DCBLD2: variants seen among roughly 807,000 people sequenced by gnomAD.
The protein encoded by DCBLD2 is discoidin, CUB and LCCL domain containing 2, also known as discoidin, CUB and LCCL domain-containing protein 2.
In DCBLD2, 54 loss-of-function variants were observed where a neutral mutation model predicts 86.8. That is an observed-to-expected ratio of 0.62 (90% confidence interval 0.50 to 0.78). The LOEUF (loss-of-function observed/expected upper bound fraction) is 0.78. Ranked by LOEUF, DCBLD2 falls within the 30% of genes least tolerant of loss-of-function variation. The pLI is 0.00. For synonymous variants in DCBLD2, 354 were observed against 341.3 expected (o/e 1.04, Z -0.41); for missense variants, 908 against 954.2 (o/e 0.95, Z 0.64).
intron 2 of DCBLD2, among the ~76,000 whole-genome samples, chr3:98,855,091 C>T (rs1942907892): frequency 6.6e-6 from 1 of 152,132 alleles, no homozygotes; most frequent in African/African-American, 2.4e-5. Flanking sequence ...ACATTTACTA[C>T]ATCTAAAAAG....
chr3:98,860,967 A>T (rs1288033550), intron 2 of DCBLD2, among the ~76,000 whole-genome samples: 1 of 152,256 alleles, frequency 6.6e-6, no homozygotes, highest in Non-Finnish European at 1.5e-5. Context: ...AGTGTGCTGT[A>T]TTCAGGAGAC....
At chr3:98,863,218 G>T (rs1054270635) in intron 2 of DCBLD2, among the ~76,000 whole-genome samples, 3 of 150,972 alleles carry the variant, frequency 2.0e-5, no homozygotes, top group African/African-American at 7.3e-5. Flanking sequence ...AACAAAAGAG[G>T]TCAACAATTG....
chr3:98,836,641 GA>G (rs1942459091), intron 3 of DCBLD2, among the ~76,000 whole-genome samples: 1 of 134,824 alleles, frequency 7.4e-6, no homozygotes, highest in Non-Finnish European at 1.6e-5. Context: ...TGGCCGGGCA[GA>G]GGGGCTCCTC....
chr3:98,826,022 G>A (rs1440154), intron 3 of DCBLD2, among the ~76,000 whole-genome samples: 26,429 of 151,124 alleles, frequency 0.17, 2,468 homozygotes, highest in African/African-American at 0.25. Context: ...TTAAGCACAC[G>A]GAAGCTGCAG....
At chr3:98,861,243 C>A (rs1209985153) in intron 2 of DCBLD2, among the ~76,000 whole-genome samples, 1 of 152,162 alleles carries the variant, frequency 6.6e-6, no homozygotes, top group Non-Finnish European at 1.5e-5. Context: ...TAGAGATCTA[C>A]AAGGAGACTT....
intron 2 of DCBLD2, among the ~76,000 whole-genome samples, chr3:98,859,836 CGCAGCTCCTCGCCA>C (rs1559789590): frequency 1.3e-5 from 2 of 152,230 alleles, no homozygotes; most frequent in Admixed American, 1.3e-4. Context: ...CACAAAGGAA[CGCAGCTCCTCGCCA>C]GCAACGGAAC....
rs1195881069 is a variant in DCBLD2, at chr3:98,870,759, AAGAAAGAAAGAAAG to A, written c.433+10767_433+10780del. Among the ~76,000 whole-genome samples the A allele has an allele frequency of 1.5e-5, 2 of 137,840 alleles. 1 individual carries two copies. Among genetic ancestry groups the A allele is most frequent in the Non-Finnish European group, 3.2e-5 (2 of 62,396 alleles). 90.4% of individuals were successfully genotyped at this position (137,840 alleles called of 152,430 possible). A position where few individuals can be genotyped will look rare whatever the true frequency, so the allele number is the denominator to read the frequency against. On this transcript the variant is annotated intron_variant, in intron 2 of 15. Coordinates refer to ENST00000326840, the MANE Select transcript of DCBLD2 (RefSeq NM_080927.4). ...AGAAAAAGAAAGAAAGAAAGAAAGA[AAGAAAGAAAGAAAG>A]AAAGAAAGAAAGAAAGAAAGAAAGA...
chr3:98,870,654 G>A (rs28826036), intron 2 of DCBLD2, among the ~76,000 whole-genome samples: 1 of 106,998 alleles, frequency 9.3e-6, no homozygotes, highest in African/African-American at 3.6e-5. Flanking sequence ...AAGAGATAGA[G>A]AAAGAGAGAG....
intron 3 of DCBLD2, among the ~76,000 whole-genome samples, chr3:98,841,515 A>G (rs1942620391): frequency 6.6e-6 from 1 of 152,232 alleles, no homozygotes; most frequent in Non-Finnish European, 1.5e-5. Context: ...AAATGAATCA[A>G]AAAATATCAG....
At chr3:98,855,782 T>C (rs1444266848) in intron 2 of DCBLD2, among the ~76,000 whole-genome samples, 2 of 152,188 alleles carry the variant, frequency 1.3e-5, no homozygotes, top group African/African-American at 2.4e-5. Context: ...CCCATCGAAA[T>C]TTTCCAAGTG....
chr3:98,835,438 A>G (rs986148868), intron 3 of DCBLD2, among the ~76,000 whole-genome samples: 4 of 123,930 alleles, frequency 3.2e-5, no homozygotes, highest in South Asian at 3.0e-4. Context: ...TTCTTCTAAG[A>G]TAACTATTTT....
intron 1 of DCBLD2, among the ~76,000 whole-genome samples, chr3:98,895,564 C>G (rs935078374): frequency 6.6e-6 from 1 of 152,178 alleles, no homozygotes; most frequent in African/African-American, 2.4e-5. Flanking sequence ...ACCTACCAAA[C>G]TTCAAAGCTT....
chr3:98,813,556 G>A (rs1018683385), intron 9 of DCBLD2: 5 of 152,062 alleles, frequency 3.3e-5, no homozygotes, highest in Admixed American at 1.3e-4. Context: ...TGTAGAAAGG[G>A]GTCTTGCTAT....
In DCBLD2 at chr3:98,901,276, T is replaced by C; in HGVS notation, c.51A>G (p.Gln17=). 2.0e-6 allele frequency: 3 copies of C among 1,527,490 alleles called. No individual in the cohort carries two copies. Among genetic ancestry groups the C allele is most frequent in the South Asian group, 1.2e-5 (1 of 83,650 alleles). 94.6% of individuals were successfully genotyped at this position (1,527,490 alleles called of 1,614,324 possible). A position where few individuals can be genotyped will look rare whatever the true frequency, so the allele number is the denominator to read the frequency against. ...CGGGGGCGGCGGCCGCGGCCCGGAC[T>C]TGGGGACACTGCGGGCAGCGCCTGG... ...VRARRCPQCP[Q]VRAAAAAPAW... Residue 17 remains glutamine (Q), a synonymous_variant, in exon 1 of 16, where the codon CAA becomes CAG. Coordinates refer to ENST00000326840, the MANE Select transcript of DCBLD2 (RefSeq NM_080927.4).
At chr3:98,879,606 C>T (rs554626517) in intron 2 of DCBLD2, among the ~76,000 whole-genome samples, 1 of 152,230 alleles carries the variant, frequency 6.6e-6, no homozygotes, top group African/African-American at 2.4e-5. Context: ...CCAGGATGGT[C>T]TCGATCACCT....
chr3:98,856,272 TA>T (rs1423436835), intron 2 of DCBLD2, among the ~76,000 whole-genome samples: 1 of 152,104 alleles, frequency 6.6e-6, no homozygotes, highest in Non-Finnish European at 1.5e-5. Context: ...AATTCCTCAA[TA>T]ATCTGCCTCA....
chr3:98,901,444 G>GCCTCACCCCGCGCCGGGACCCTTCCGCC lies in DCBLD2; in HGVS notation c.-146_-119dup. The GCCTCACCCCGCGCCGGGACCCTTCCGCC allele has an allele frequency of 9.6e-7, 1 of 1,042,342 alleles. No homozygotes were observed. Among genetic ancestry groups the GCCTCACCCCGCGCCGGGACCCTTCCGCC allele is most frequent in the East Asian group, 3.5e-5 (1 of 28,622 alleles). 64.6% of individuals were successfully genotyped at this position (1,042,342 alleles called of 1,614,324 possible). A position where few individuals can be genotyped will look rare whatever the true frequency, so the allele number is the denominator to read the frequency against. On this transcript the variant is annotated 5_prime_UTR_variant, in exon 1 of 16. Transcript: ENST00000326840. Reference sequence around the variant, plus strand: ...GGCGGGAGAACAAGAGGCAGCCCTCGCCTCACCCCGCGCCGGGACCCTTCC... The same window carrying GCCTCACCCCGCGCCGGGACCCTTCCGCC: ...GGCGGGAGAACAAGAGGCAGCCCTCGCCTCACCCCGCGCCGGGACCCTTCCGCCCCTCACCCCGCGCCGGGACCCTTCC...
In DCBLD2 at chr3:98,901,416, A is replaced by AGCGGCGGGAGAACAAGAG. The variant is rs1413327432; in HGVS notation, c.-108_-91dup. Reference sequence around the variant, plus strand: ...CGGCACCCGACCAGGAGACGGCGGCAGCGGCGGGAGAACAAGAGGCAGCCC... The same window carrying AGCGGCGGGAGAACAAGAG: ...CGGCACCCGACCAGGAGACGGCGGCAGCGGCGGGAGAACAAGAGGCGGCGGGAGAACAAGAGGCAGCCC... On this transcript the variant is annotated 5_prime_UTR_variant, in exon 1 of 16. Transcript: ENST00000326840. 3 of 1,225,462 alleles carry AGCGGCGGGAGAACAAGAG rather than the reference A, an allele frequency of 2.4e-6. No individual in the cohort carries two copies. The highest frequency in any genetic ancestry group is 1.6e-5 in the African/African-American group (1 of 63,096). The allele number at this position is 1,225,462 out of a possible 1,614,324, so 75.9% of individuals were successfully genotyped here.
At chr3:98,880,716 AAG>A (rs1456208394) in intron 2 of DCBLD2, among the ~76,000 whole-genome samples, 1 of 152,180 alleles carries the variant, frequency 6.6e-6, no homozygotes, top group Non-Finnish European at 1.5e-5. Context: ...TTACTTTTCT[AAG>A]CACGTTACAC....
Sources: gnomAD v4.1 joint callset for allele counts (sites outside exome capture counted in the v4.1 genomes callset) on GRCh38, gnomAD v4.1.1 for gene constraint, MANE v1.5 for transcripts, NCBI Gene and HGNC (gene_info 2026-07-23, HGNC 2026-07-21) for gene names.